Variants in MSL2 observed in about 807,000 individuals in gnomAD.
MSL2 encodes E3 ubiquitin-protein ligase MSL2.
Under a neutral mutation model 35.8 loss-of-function variants are expected in MSL2, and 2 were observed. The ratio of observed to expected loss-of-function variants is 0.06; its 90% CI spans 0.02 to 0.18. The LOEUF (loss-of-function observed/expected upper bound fraction) is 0.18, where lower values mean the gene tolerates loss of function less well. MSL2 is among the 10% of genes least tolerant of loss of function. The pLI is 1.00. For missense variants in MSL2, 523 were observed against 706.7 expected, an observed-to-expected ratio of 0.74 and a Z score of 2.95; for synonymous variants, 296 against 255.7, an observed-to-expected ratio of 1.16 and a Z score of -1.50.
intron 1 of MSL2, among the ~76,000 whole-genome samples, chr3:136,175,664 C>A (rs567050523): frequency 6.8e-6 from 1 of 146,836 alleles, no homozygotes; most frequent in Non-Finnish European, 1.5e-5. Context: ...CCCTAGCCTG[C>A]GTGACAGAGG....
At chr3:136,158,890 A>G (rs991780556) in intron 1 of MSL2, among the ~76,000 whole-genome samples, 2 of 152,232 alleles carry the variant, frequency 1.3e-5, no homozygotes, top group Non-Finnish European at 2.9e-5. Flanking sequence ...TAAAATATTT[A>G]GAAAAACTTT....
Position 136,152,627 on chromosome 3 carries a change from T to C in MSL2, c.254A>G (p.Lys85Arg), listed in dbSNP as rs754914682. 1.1e-5 allele frequency: 17 copies of C among 1,614,064 alleles called. No individual in the cohort carries two copies. The highest frequency in any genetic ancestry group is 1.4e-5 in the Non-Finnish European group (17 of 1,180,040). Residue 85 changes from lysine (K) to arginine (R), a missense_variant, in exon 2 of 2, where the codon AAA becomes AGA. Around this residue, in one of 5 missense-constraint regions of MSL2, gnomAD observed 41 missense variants for 83.3 expected, o/e 0.49. Coordinates refer to ENST00000309993, the MANE Select transcript of MSL2 (RefSeq NM_018133.4). ...MMMKPSCSWC[K>R]DYEQFEENKQ... ...GTTTTCCTCAAACTGCTCATAGTCT[T>C]TGCACCAGCTACAGGAAGGTTTCAT...
intron 1 of MSL2, among the ~76,000 whole-genome samples, chr3:136,162,820 T>A (rs960916993): frequency 6.6e-6 from 1 of 152,202 alleles, no homozygotes; most frequent in East Asian, 1.9e-4. Flanking sequence ...TTCGAATGAC[T>A]ATAACACAGA....
intron 1 of MSL2, among the ~76,000 whole-genome samples, chr3:136,194,707 A>AACC (rs1476814887): frequency 6.6e-6 from 1 of 151,762 alleles, no homozygotes; most frequent in South Asian, 2.1e-4. Flanking sequence ...CCCCCACTTA[A>AACC]ACCACCACCA....
chr3:136,194,878 A>T, intron 1 of MSL2, 94 bp downstream of exon 1: 1 of 1,557,608 alleles, frequency 6.4e-7, no homozygotes, highest in Non-Finnish European at 8.7e-7. Context: ...AAAGCTTAAT[A>T]CCAACCACCA....
At chr3:136,185,721 G>T (rs1425439124) in intron 1 of MSL2, among the ~76,000 whole-genome samples, 1 of 151,788 alleles carries the variant, frequency 6.6e-6, no homozygotes, top group Non-Finnish European at 1.5e-5. Flanking sequence ...GGCCAGGCTG[G>T]TCTCAAACTC....
chr3:136,162,744 A>G (rs1290415916), intron 1 of MSL2, among the ~76,000 whole-genome samples: 6 of 152,242 alleles, frequency 3.9e-5, no homozygotes, highest in Non-Finnish European at 8.8e-5. Flanking sequence ...AAATCTCTGA[A>G]AACCAAAATA....
Position 136,195,766 on chromosome 3 carries a change from T to C in MSL2, c.-653A>G, listed in dbSNP as rs1940826275. On this transcript the variant is annotated 5_prime_UTR_variant, in exon 1 of 2. Coordinates refer to ENST00000309993, the MANE Select transcript of MSL2 (RefSeq NM_018133.4). Reference sequence around the variant, plus strand: ...GACTGCGCCCTGGCTCTCCGCCCCGTGGGTTGCAGCCCGCAGTTCCCCGAG... The same window carrying C: ...GACTGCGCCCTGGCTCTCCGCCCCGCGGGTTGCAGCCCGCAGTTCCCCGAG... 5.1e-6 allele frequency: 5 copies of C among 984,092 alleles called. No homozygotes were observed. The highest frequency in any genetic ancestry group is 6.0e-6 in the Non-Finnish European group (5 of 829,608). 61.0% of individuals were successfully genotyped at this position (984,092 alleles called of 1,614,324 possible). A position where few individuals can be genotyped will look rare whatever the true frequency, so the allele number is the denominator to read the frequency against.
intron 1 of MSL2, among the ~76,000 whole-genome samples, chr3:136,167,890 A>T (rs992017724): frequency 6.6e-6 from 1 of 152,206 alleles, no homozygotes; most frequent in Admixed American, 6.5e-5. Flanking sequence ...AGAATCAAAC[A>T]GCTATAAAAT....
chr3:136,182,670 C>A (rs1377790116), intron 1 of MSL2, among the ~76,000 whole-genome samples: 1 of 150,880 alleles, frequency 6.6e-6, no homozygotes, highest in Non-Finnish European at 1.5e-5. Flanking sequence ...AGAGGTCCAG[C>A]GCACCACTGC....
chr3:136,151,884 G>C lies in MSL2; in HGVS notation c.997C>G (p.Pro333Ala). ...LHGLSCTAAT[P>A]KIAKLNRKRS... is the part of the protein sequence containing the mutation. The stretch of plus-strand genomic sequence containing the variant: ...TTTCTATTCAATTTTGCTATCTTCG[G>C]AGTTGCTGCTGTACATGATAACCCA... The change falls in exon 2 of 2, where the codon CCG (proline) becomes GCG (alanine). Residue 333 changes from proline to alanine, a missense_variant. By Grantham distance (27) the Pro-to-Ala change is conservative. Coordinates refer to ENST00000309993, the MANE Select transcript of MSL2 (RefSeq NM_018133.4). This position sits in a 1 kb window ranked among gnomAD's most constrained non-coding sequence, Gnocchi z 5.2. 1 of 1,614,144 alleles carries C rather than the reference G, an allele frequency of 6.2e-7. No individual in the cohort carries two copies. The highest frequency in any genetic ancestry group is 8.5e-7 in the Non-Finnish European group (1 of 1,180,032).
At position 136,152,755 on chromosome 3, in the gene MSL2, G is replaced by A; in HGVS notation, c.143-17C>T. 6.2e-7 allele frequency: 1 copy of A among 1,600,276 alleles called. No homozygotes were observed. Among genetic ancestry groups the A allele is most frequent in the Non-Finnish European group, 8.5e-7 (1 of 1,172,878 alleles). On this transcript the variant is annotated splice_polypyrimidine_tract_variant and intron_variant, in intron 1 of 1. Coordinates refer to ENST00000309993, the MANE Select transcript of MSL2 (RefSeq NM_018133.4). ...GCAAATGTCCTAAGGGGGAGAAGGAGGAAAGCAAAGATTTTAGTAAAATAA... is the reference window on the plus strand; with the variant it reads ...GCAAATGTCCTAAGGGGGAGAAGGAAGAAAGCAAAGATTTTAGTAAAATAA...
intron 1 of MSL2, among the ~76,000 whole-genome samples, chr3:136,190,402 A>T (rs1300610494): frequency 6.6e-6 from 1 of 152,196 alleles, no homozygotes; most frequent in Non-Finnish European, 1.5e-5. Flanking sequence ...AAATTTTTAA[A>T]TTAGCCAACC....
Position 136,152,114 on chromosome 3 carries a change from A to C in MSL2, c.767T>G (p.Phe256Cys). The change falls in exon 2 of 2, where the codon TTC becomes TGC. Residue 256 changes from phenylalanine to cysteine, a missense_variant. Phe to Cys is a radical substitution (Grantham distance 205). Around this residue, in one of 5 missense-constraint regions of MSL2, gnomAD observed 361 missense variants for 414.6 expected, o/e 0.87. Transcript: ENST00000309993. ...GTCTCCAGGTTTTATATCTTCACTG[A>C]AACTGCAGATATCAATGCCTGTGGA... ...LCSTGIDICS[F>C]SEDIKPGDSL... 2.5e-6 allele frequency: 4 copies of C among 1,614,194 alleles called. No homozygotes were observed. The highest frequency in any genetic ancestry group is 3.4e-6 in the Non-Finnish European group (4 of 1,180,042).
At chr3:136,163,795 G>A (rs924063655) in intron 1 of MSL2, among the ~76,000 whole-genome samples, 12 of 152,142 alleles carry the variant, frequency 7.9e-5, no homozygotes, top group Admixed American at 2.0e-4. Context: ...GTTCTCAGGA[G>A]ATCTGATGGT....
At position 136,195,254 on chromosome 3, in the gene MSL2, T is replaced by C; in HGVS notation, c.-141A>G. On this transcript the variant is annotated 5_prime_UTR_variant, in exon 1 of 2. Coordinates refer to ENST00000309993, the MANE Select transcript of MSL2 (RefSeq NM_018133.4). The stretch of plus-strand genomic sequence containing the variant: ...CCATTGGCCAAACAAGTAACCAAAA[T>C]CCGTGCAAGTTTGTGGAGCTGAAAC... 3 of 1,483,328 alleles carry C rather than the reference T, an allele frequency of 2.0e-6. No individual in the cohort carries two copies. Among genetic ancestry groups the C allele is most frequent in the East Asian group, 2.4e-5 (1 of 42,028 alleles). 91.9% of individuals were successfully genotyped at this position (1,483,328 alleles called of 1,614,324 possible). A position where few individuals can be genotyped will look rare whatever the true frequency, so the allele number is the denominator to read the frequency against.
chr3:136,181,921 AAAATAAAT>A (rs144747029), intron 1 of MSL2, among the ~76,000 whole-genome samples: 35,116 of 147,168 alleles, frequency 0.24, 4,543 homozygotes, highest in Non-Finnish European at 0.3. Flanking sequence ...TCTGTCTCAA[AAAATAAAT>A]AAATAAATAA....
chr3:136,178,188 G>C (rs1940235990), intron 1 of MSL2, among the ~76,000 whole-genome samples: 3 of 152,174 alleles, frequency 2.0e-5, no homozygotes, highest in Admixed American at 2.0e-4. Context: ...TAATAACTAA[G>C]TAGGGGAGGC....
At chr3:136,169,662 G>T (rs1017355686) in intron 1 of MSL2, among the ~76,000 whole-genome samples, 1 of 151,904 alleles carries the variant, frequency 6.6e-6, no homozygotes, top group Non-Finnish European at 1.5e-5. Context: ...GTTGGCCAGG[G>T]TGGTCTTGAA....
Sources: gnomAD v4.1 joint callset for allele counts (sites outside exome capture counted in the v4.1 genomes callset) on GRCh38, gnomAD v4.1.1 for gene constraint, gnomAD v4.1.1 regional missense constraint, Gnocchi (gnomAD v3.1) non-coding constraint, MANE v1.5 for transcripts, NCBI Gene and HGNC (gene_info 2026-07-23, HGNC 2026-07-21) for gene names.